The following RAB10 variants were observed in gnomAD, a reference collection of about 807,000 sequenced individuals.
RAB10 encodes RAB10, member RAS oncogene family.
A neutral mutation model predicts 25.7 loss-of-function variants in RAB10; 5 were observed. The observed-to-expected ratio is 0.19, with a 90% CI of 0.10 to 0.41. The LOEUF (loss-of-function observed/expected upper bound fraction) is 0.41, where lower values mean the gene tolerates loss of function less well. RAB10 is among the 10% of genes least tolerant of loss of function. The probability of loss-of-function intolerance (pLI) is 1.00; values close to 1 mark genes in which losing one functional copy is unlikely to be tolerated. For missense variants in RAB10, 103 were observed against 245.8 expected (o/e 0.42, Z 3.89); for synonymous variants, 89 against 86.4 (o/e 1.03, Z -0.16).
intron 1 of RAB10, among the ~76,000 whole-genome samples, chr2:26,090,393 T>C (rs1667075836): frequency 6.6e-6 from 1 of 152,172 alleles, no homozygotes; most frequent in Non-Finnish European, 1.5e-5. Context: ...TATTTTGAAA[T>C]TTCATTGTGA....
At chr2:26,130,032 A>G (rs1352752312) in intron 5 of RAB10, among the ~76,000 whole-genome samples, 1 of 152,212 alleles carries the variant, frequency 6.6e-6, no homozygotes, top group Admixed American at 6.5e-5. Context: ...CAAAGTCTAA[A>G]TAGCACTCCA....
intron 1 of RAB10, among the ~76,000 whole-genome samples, chr2:26,094,854 C>T (rs1300001936): frequency 1.3e-5 from 2 of 152,336 alleles, no homozygotes; most frequent in African/African-American, 4.8e-5. Flanking sequence ...CCACTGTGCC[C>T]GGCCCCACTT....
rs34537429 is a variant in RAB10, at chr2:26,073,220, A to G, written c.128-25442A>G. On this transcript the variant is annotated intron_variant, in intron 1 of 5. Transcript: ENST00000264710. The stretch of plus-strand genomic sequence containing the variant: ...AAGTAGAGAAGGATTTAATGCAGGA[A>G]TTGTTTCAAAAGTGATGGAAGGGCT... 0.068 allele frequency among the ~76,000 whole-genome samples: 10,316 copies of G among 152,268 alleles called. 2,501 individuals carry two copies. In the East Asian group the frequency reaches 0.84, roughly 12 times the overall value.
chr2:26,067,751 G>A (rs191216483), intron 1 of RAB10, among the ~76,000 whole-genome samples: 155 of 152,346 alleles, frequency 1.0e-3, no homozygotes, highest in Admixed American at 2.3e-3. Flanking sequence ...CATCTCACAT[G>A]ACTACTGTGT....
At chr2:26,046,761 A>T (rs1023486563) in intron 1 of RAB10, among the ~76,000 whole-genome samples, 9 of 152,168 alleles carry the variant, frequency 5.9e-5, no homozygotes, top group African/African-American at 2.2e-4. Flanking sequence ...AGAGCTTCCA[A>T]GGTTTAAAAC....
In RAB10 at chr2:26,130,477, T is replaced by C. The variant is rs114898764; in HGVS notation, c.519+2526T>C. ...GCCATCAAGCCTGGCTTGGTCTCTCTCTTTTTTTTTTTTAATTGATGGGGT... is the reference window on the plus strand; with the variant it reads ...GCCATCAAGCCTGGCTTGGTCTCTCCCTTTTTTTTTTTTAATTGATGGGGT... On this transcript the variant is annotated intron_variant, in intron 5 of 5. Coordinates refer to ENST00000264710, the MANE Select transcript of RAB10 (RefSeq NM_016131.5). Among the ~76,000 whole-genome samples, 763 of 150,718 alleles carry C rather than the reference T, an allele frequency of 5.1e-3. 3 individuals carry two copies. The highest frequency in any genetic ancestry group is 0.018 in the African/African-American group (733 of 40,462).
At chr2:26,097,418 C>T (rs1012186332) in intron 1 of RAB10, among the ~76,000 whole-genome samples, 4 of 152,100 alleles carry the variant, frequency 2.6e-5, no homozygotes, top group Non-Finnish European at 5.9e-5. Flanking sequence ...GGATTGCAAG[C>T]ATGCCCTACC....
intron 1 of RAB10, among the ~76,000 whole-genome samples, chr2:26,059,475 T>C (rs969057393): frequency 3.3e-5 from 5 of 152,224 alleles, no homozygotes; most frequent in African/African-American, 1.2e-4. Flanking sequence ...ATTTTGTTTT[T>C]TTAACCTAAA....
intron 5 of RAB10, among the ~76,000 whole-genome samples, chr2:26,131,236 A>G (rs1371185546): frequency 6.6e-6 from 1 of 152,188 alleles, no homozygotes; most frequent in Non-Finnish European, 1.5e-5. Flanking sequence ...CTTGGACCAC[A>G]TATAAAATAC....
At chr2:26,052,540 G>A (rs1666161149) in intron 1 of RAB10, among the ~76,000 whole-genome samples, 1 of 147,646 alleles carries the variant, frequency 6.8e-6, no homozygotes, top group Non-Finnish European at 1.5e-5. Context: ...TGTTTCTGGA[G>A]CCATTCTGTT....
intron 2 of RAB10, among the ~76,000 whole-genome samples, chr2:26,101,015 T>G (rs1667328152): frequency 6.6e-6 from 1 of 152,062 alleles, no homozygotes; most frequent in Non-Finnish European, 1.5e-5. Flanking sequence ...GAGGAAGTGA[T>G]CTAGATAGAA....
chr2:26,095,069 C>T (rs1480495861), intron 1 of RAB10, among the ~76,000 whole-genome samples: 1 of 152,148 alleles, frequency 6.6e-6, no homozygotes, highest in Non-Finnish European at 1.5e-5. Context: ...TTTACGTTTG[C>T]TGTTAATAGC....
chr2:26,115,091 A>G (rs553420040), intron 3 of RAB10, among the ~76,000 whole-genome samples: 65 of 152,332 alleles, frequency 4.3e-4, no homozygotes, highest in African/African-American at 1.5e-3. Flanking sequence ...GACTCTAACA[A>G]GCGTTCACAA....
At chr2:26,109,931 C>G in intron 3 of RAB10, 25 bp downstream of exon 3, 12 of 1,537,132 alleles carry the variant, frequency 7.8e-6, no homozygotes, top group Non-Finnish European at 1.1e-5. Flanking sequence ...TTGTATAAAC[C>G]CTTCATGAAC....
intron 1 of RAB10, among the ~76,000 whole-genome samples, chr2:26,085,227 G>A (rs1003468568): frequency 2.6e-5 from 4 of 152,204 alleles, no homozygotes; most frequent in African/African-American, 9.6e-5. Context: ...AGTGACTCAC[G>A]CCTGTAATCC....
chr2:26,053,917 A>G (rs1462154224), intron 1 of RAB10, among the ~76,000 whole-genome samples: 1 of 150,800 alleles, frequency 6.6e-6, no homozygotes, highest in Non-Finnish European at 1.5e-5. Context: ...ACAGGGTTTC[A>G]TCATGTTGGC....
chr2:26,059,512 G>A (rs1025806023), intron 1 of RAB10, among the ~76,000 whole-genome samples: 3 of 152,148 alleles, frequency 2.0e-5, no homozygotes, highest in Non-Finnish European at 4.4e-5. Flanking sequence ...CACATGGTAA[G>A]TAAATATTTC....
chr2:26,107,775 G>A (rs770523083), intron 2 of RAB10, among the ~76,000 whole-genome samples: 25 of 151,630 alleles, frequency 1.6e-4, no homozygotes, highest in Non-Finnish European at 2.6e-4. Context: ...CAGCCTGGGC[G>A]GCAAGATCGA....
intron 1 of RAB10, among the ~76,000 whole-genome samples, chr2:26,068,866 A>AG (rs1491299529): frequency 6.6e-6 from 1 of 152,220 alleles, no homozygotes; most frequent in Non-Finnish European, 1.5e-5. Flanking sequence ...GTCAGATGAA[A>AG]GAGCTGTTTC....
Sources: allele counts gnomAD v4.1 joint callset (sites outside exome capture counted in the v4.1 genomes callset), GRCh38; gene constraint gnomAD v4.1.1; transcripts MANE v1.5; gene names NCBI Gene and HGNC (gene_info 2026-07-23, HGNC 2026-07-21).